CBX5: variants seen among roughly 807,000 people sequenced by gnomAD.
CBX5 encodes chromobox 5.
In CBX5, 7 loss-of-function variants were observed where a neutral mutation model predicts 20.7. The observed-to-expected ratio is 0.34, with a 90% confidence interval of 0.19 to 0.63. The LOEUF (loss-of-function observed/expected upper bound fraction) is 0.63, where lower values mean the gene tolerates loss of function less well. CBX5 is among the 30% of genes least tolerant of loss of function. CBX5 has a pLI of 0.75. For missense variants in CBX5, 110 were observed against 224.1 expected, an observed-to-expected ratio of 0.49 and a Z score of 3.25; for synonymous variants, 78 against 77.0, an observed-to-expected ratio of 1.01 and a Z score of -0.07.
At chr12:54,269,290 A>G (rs1208252879) in intron 1 of CBX5, among the ~76,000 whole-genome samples, 1 of 152,212 alleles carries the variant, frequency 6.6e-6, no homozygotes, top group South Asian at 2.1e-4. Context: ...AACTGTTTTA[A>G]GCGTTCCTGC....
chr12:54,250,522 G>A (rs528120885), intron 3 of CBX5, among the ~76,000 whole-genome samples: 12 of 151,768 alleles, frequency 7.9e-5, no homozygotes, highest in South Asian at 6.3e-4. Context: ...AGAAAGGGCC[G>A]GGGCCGGGCG....
chr12:54,266,744 A>G (rs1299650621), intron 1 of CBX5, among the ~76,000 whole-genome samples: 2 of 152,222 alleles, frequency 1.3e-5, no homozygotes, highest in African/African-American at 4.8e-5. Flanking sequence ...ATTTAGCAAT[A>G]ACACAAAAAT....
chr12:54,274,488 T>A (rs1944041184), intron 1 of CBX5: 1 of 152,072 alleles, frequency 6.6e-6, no homozygotes, highest in African/African-American at 2.4e-5. Context: ...AAAATCAATA[T>A]CCATAACACA....
At chr12:54,250,419 A>G (rs1431076556) in intron 3 of CBX5, among the ~76,000 whole-genome samples, 1 of 151,958 alleles carries the variant, frequency 6.6e-6, no homozygotes, top group Non-Finnish European at 1.5e-5. Flanking sequence ...CAAAATAAAT[A>G]AATAAATAAA....
At position 54,260,282 on chromosome 12, in the gene CBX5, C is replaced by A. The variant is rs73321061; in HGVS notation, c.-42-2590G>T. On this transcript the variant is annotated intron_variant, in intron 1 of 4. Coordinates refer to ENST00000209875, the MANE Select transcript of CBX5 (RefSeq NM_012117.3). ...GGGACGGGGCAATCATTTGAGGTCA[C>A]GTGCTCAAGACTAGCCTGACCAACG... is the stretch of plus-strand genomic sequence containing the variant. Among the ~76,000 whole-genome samples the A allele has an allele frequency of 2.2e-3, 333 of 151,806 alleles. 3 individuals carry two copies. Among genetic ancestry groups the A allele is most frequent in the African/African-American group, 7.8e-3 (322 of 41,402 alleles).
intron 1 of CBX5, among the ~76,000 whole-genome samples, chr12:54,270,538 G>A (rs1315327118): frequency 1.3e-5 from 2 of 152,158 alleles, no homozygotes; most frequent in Non-Finnish European, 2.9e-5. Flanking sequence ...TTCTCAAAGC[G>A]TTGAGTTTAC....
chr12:54,241,924 A>G lies in CBX5; in HGVS notation c.426-19T>C. 8 of 1,608,986 alleles carry G rather than the reference A, an allele frequency of 5.0e-6. No individual in the cohort carries two copies. The highest frequency in any genetic ancestry group is 6.8e-6 in the Non-Finnish European group (8 of 1,178,366). On this transcript the variant is annotated intron_variant, in intron 4 of 4. Transcript: ENST00000209875. ...GTCTTTCCTGGAGAGAAAGAATATG[A>G]GACTTAAAAGGAGAGGAAGAGTGAA...
At chr12:54,274,757 G>A (rs1361291910) in intron 1 of CBX5, among the ~76,000 whole-genome samples, 4 of 152,030 alleles carry the variant, frequency 2.6e-5, no homozygotes, top group Non-Finnish European at 5.9e-5. Flanking sequence ...GGCTAACACG[G>A]TGAAATCCTG....
rs1943603537 is a variant in CBX5, at chr12:54,234,847, G to C, written c.*6908C>G. 6.6e-6 allele frequency: 1 copy of C among 152,202 alleles called. No individual in the cohort carries two copies. The highest frequency in any genetic ancestry group is 1.5e-5 in the Non-Finnish European group (1 of 68,042). The allele number at this position is 152,202 out of a possible 1,614,324, so 9.4% of individuals were successfully genotyped here. On this transcript the variant is annotated 3_prime_UTR_variant, in exon 5 of 5. Coordinates refer to ENST00000209875, the MANE Select transcript of CBX5 (RefSeq NM_012117.3). ...AGAGGAGCAATATGAGATGATGTTA[G>C]ATGAAATGAGGATCAGAATGAAAAG...
chr12:54,238,443 T>G lies in CBX5; in HGVS notation c.*3312A>C, dbSNP rs976920983. 1 of 152,228 alleles carries G rather than the reference T, an allele frequency of 6.6e-6. No individual in the cohort carries two copies. The highest frequency in any genetic ancestry group is 1.5e-5 in the Non-Finnish European group (1 of 68,038). 9.4% of individuals were successfully genotyped at this position (152,228 alleles called of 1,614,324 possible). A position where few individuals can be genotyped will look rare whatever the true frequency, so the allele number is the denominator to read the frequency against. ...ACATAACTAAAAAAGTAGAAGACAC[T>G]GTTAAATTTGAATCTGGATCCTATA... On this transcript the variant is annotated 3_prime_UTR_variant, in exon 5 of 5. Coordinates refer to ENST00000209875, the MANE Select transcript of CBX5 (RefSeq NM_012117.3).
At chr12:54,250,771 G>GTC (rs1263476132) in intron 3 of CBX5, among the ~76,000 whole-genome samples, 1 of 114,936 alleles carries the variant, frequency 8.7e-6, no homozygotes, top group Non-Finnish European at 1.6e-5. Flanking sequence ...CGCCACTGCA[G>GTC]TCCGCAGTCC....
intron 3 of CBX5, among the ~76,000 whole-genome samples, chr12:54,248,180 G>C (rs754901173): frequency 6.6e-6 from 1 of 151,982 alleles, no homozygotes; most frequent in African/African-American, 2.4e-5. Flanking sequence ...GTCGAGACAG[G>C]GTTTCACCAT....
intron 1 of CBX5, among the ~76,000 whole-genome samples, chr12:54,279,270 G>C (rs1342063389): frequency 6.6e-6 from 1 of 151,670 alleles, no homozygotes; most frequent in Non-Finnish European, 1.5e-5. Context: ...CTAAAGAAGC[G>C]ACTTCTGAAA....
chr12:54,271,220 G>C (rs941216362), intron 1 of CBX5, among the ~76,000 whole-genome samples: 2 of 152,208 alleles, frequency 1.3e-5, no homozygotes, highest in Non-Finnish European at 2.9e-5. Flanking sequence ...GTTGTTGGTA[G>C]TGTTGTTCAA....
At chr12:54,279,878 G>C (rs961299006) in intron 1 of CBX5, 130 bp downstream of exon 1, 1 of 152,280 alleles carries the variant, frequency 6.6e-6, no homozygotes, top group African/African-American at 2.4e-5. Context: ...TTCTTCTATT[G>C]GTTGGCCCGA....
intron 1 of CBX5, chr12:54,273,087 G>A (rs1162114176): frequency 6.6e-6 from 1 of 152,218 alleles, no homozygotes; most frequent in Non-Finnish European, 1.5e-5. Flanking sequence ...CTCCCCCAAA[G>A]AGATTCTTAT....
In CBX5 at chr12:54,234,973, G is replaced by A. The variant is rs541167622; in HGVS notation, c.*6782C>T. ...TGACAAGTTGAAGTAACTCTAAAAA[G>A]ACAAGATGAGGTAGATTAAAATCCA... On this transcript the variant is annotated 3_prime_UTR_variant, in exon 5 of 5. Coordinates refer to ENST00000209875, the MANE Select transcript of CBX5 (RefSeq NM_012117.3). 1 of 152,134 alleles carries A rather than the reference G, an allele frequency of 6.6e-6. No individual in the cohort carries two copies. The highest frequency in any genetic ancestry group is 2.1e-4 in the South Asian group (1 of 4,828). 9.4% of individuals were successfully genotyped at this position (152,134 alleles called of 1,614,324 possible).
intron 2 of CBX5, among the ~76,000 whole-genome samples, chr12:54,253,677 G>A (rs1223910595): frequency 1.4e-5 from 2 of 141,102 alleles, no homozygotes; most frequent in African/African-American, 2.7e-5. Flanking sequence ...GCAGTGAACC[G>A]TGATTGCACC....
At chr12:54,279,392 C>T (rs554704796) in intron 1 of CBX5, among the ~76,000 whole-genome samples, 23 of 152,260 alleles carry the variant, frequency 1.5e-4, no homozygotes, top group African/African-American at 5.3e-4. Context: ...AGCAAACTTA[C>T]GCTTTCAAGG....
Sources: allele counts gnomAD v4.1 joint callset (sites outside exome capture counted in the v4.1 genomes callset), GRCh38; gene constraint gnomAD v4.1.1; transcripts MANE v1.5; gene names NCBI Gene and HGNC (gene_info 2026-07-23, HGNC 2026-07-21).